GMEB1: variants seen among roughly 807,000 people sequenced by gnomAD.
The protein encoded by GMEB1 is glucocorticoid modulatory element binding protein 1, also known as glucocorticoid modulatory element-binding protein 1.
Under a neutral mutation model 52.4 loss-of-function variants are expected in GMEB1, and 6 were observed. The ratio of observed to expected loss-of-function variants is 0.11; its 90% CI spans 0.06 to 0.23. The LOEUF is 0.23. GMEB1 is among the 10% of genes least tolerant of loss of function. The pLI is 1.00. For missense variants in GMEB1, 486 were observed against 685.6 expected (o/e 0.71, Z 3.25); for synonymous variants, 255 against 244.9 (o/e 1.04, Z -0.38).
chr1:28,716,581 C>G lies in GMEB1; in HGVS notation c.*1808C>G, dbSNP rs1162786379. On this transcript the variant is annotated 3_prime_UTR_variant, in exon 10 of 10. Transcript: ENST00000373816. Reference sequence around the variant, plus strand: ...AGATGTTTCTGTGAGATACTGAGATCATAAAAAGCTTTAGGCTTGGCAGAG... The same window carrying G: ...AGATGTTTCTGTGAGATACTGAGATGATAAAAAGCTTTAGGCTTGGCAGAG... The G allele has an allele frequency of 2.6e-5, 4 of 152,082 alleles. No individual in the cohort carries two copies. Among genetic ancestry groups the G allele is most frequent in the Non-Finnish European group, 5.9e-5 (4 of 68,050 alleles). 9.4% of individuals were successfully genotyped at this position (152,082 alleles called of 1,614,324 possible). A position where few individuals can be genotyped will look rare whatever the true frequency, so the allele number is the denominator to read the frequency against.
chr1:28,706,668 T>G (rs541787732), intron 8 of GMEB1, among the ~76,000 whole-genome samples: 1 of 150,912 alleles, frequency 6.6e-6, no homozygotes, highest in South Asian at 2.1e-4. Flanking sequence ...TCTTATTTAT[T>G]TATTTATTTA....
chr1:28,683,816 T>TTAAAAA, intron 2 of GMEB1, 76 bp downstream of exon 2: 1 of 1,390,188 alleles, frequency 7.2e-7, no homozygotes. Context: ...ACTTTATGGT[T>TTAAAAA]GCTTAGCACA....
chr1:28,708,825 G>A (rs148974624), intron 8 of GMEB1, among the ~76,000 whole-genome samples: 164 of 151,094 alleles, frequency 1.1e-3, no homozygotes, highest in African/African-American at 3.8e-3. Flanking sequence ...GTGAAATCCC[G>A]TCTCTAATAA....
At chr1:28,689,070 A>G (rs1669830581) in intron 2 of GMEB1, among the ~76,000 whole-genome samples, 1 of 151,776 alleles carries the variant, frequency 6.6e-6, no homozygotes, top group Non-Finnish European at 1.5e-5. Flanking sequence ...TTGTATTTTT[A>G]GTAGAGACGG....
chr1:28,670,105 TTCC>T (rs1460088208), intron 1 of GMEB1, among the ~76,000 whole-genome samples: 1 of 152,206 alleles, frequency 6.6e-6, no homozygotes, highest in East Asian at 1.9e-4. Flanking sequence ...GATTATCTTC[TTCC>T]TCCTTGCCTC....
intron 5 of GMEB1, among the ~76,000 whole-genome samples, 160 bp from the exon 6 acceptor site, chr1:28,696,767 C>A (rs1670228164): frequency 6.6e-6 from 1 of 151,932 alleles, no homozygotes; most frequent in South Asian, 2.1e-4. Context: ...AAATTTAAAG[C>A]CCCAATTAGA....
intron 5 of GMEB1, among the ~76,000 whole-genome samples, chr1:28,695,722 A>G (rs1670169511): frequency 6.8e-6 from 1 of 148,118 alleles, no homozygotes; most frequent in South Asian, 2.1e-4. Flanking sequence ...GCGGATCACG[A>G]GGTCAGGAGA....
chr1:28,707,695 A>G (rs1570434385), intron 8 of GMEB1, among the ~76,000 whole-genome samples: 2 of 152,292 alleles, frequency 1.3e-5, no homozygotes, highest in Admixed American at 6.5e-5. Flanking sequence ...TGAGATGACT[A>G]TTAGACCATC....
Position 28,702,473 on chromosome 1 carries a change from A to T in GMEB1, c.634A>T (p.Met212Leu), listed in dbSNP as rs779439452. The T allele has an allele frequency of 6.2e-7, 1 of 1,613,478 alleles. No homozygotes were observed. The highest frequency in any genetic ancestry group is 1.7e-5 in the Admixed American group (1 of 59,968). Residue 212 changes from methionine (M) to leucine (L), a missense_variant, in exon 7 of 10, where the codon ATG becomes TTG. Met to Leu is a conservative substitution (Grantham distance 15). Transcript: ENST00000373816. ...GCAGATTGCCATCTCAGAAGAGAGC[A>T]TGGAAGAGGCAGGGCTGGAATGGAA... is the stretch of plus-strand genomic sequence containing the variant. The part of the protein sequence containing the change: ...ITQIAISEES[M>L]EEAGLEWNSA...
intron 1 of GMEB1, among the ~76,000 whole-genome samples, chr1:28,670,598 G>A (rs1668839428): frequency 6.6e-6 from 1 of 151,984 alleles, no homozygotes; most frequent in South Asian, 2.1e-4. Context: ...AGAGTACTGG[G>A]ATTACAGGCG....
intron 1 of GMEB1, among the ~76,000 whole-genome samples, chr1:28,676,620 G>C (rs1669160659): frequency 6.6e-6 from 1 of 152,050 alleles, no homozygotes; most frequent in Non-Finnish European, 1.5e-5. Context: ...CAGCTACTTG[G>C]GAGGCTGAGG....
At chr1:28,697,396 C>T (rs1670277321) in intron 6 of GMEB1, among the ~76,000 whole-genome samples, 1 of 151,738 alleles carries the variant, frequency 6.6e-6, no homozygotes, top group African/African-American at 2.4e-5. Context: ...TTAGTACAAA[C>T]AGGGTTTCTC....
chr1:28,669,537 G>A (rs1364978521), intron 1 of GMEB1, among the ~76,000 whole-genome samples: 1 of 152,112 alleles, frequency 6.6e-6, no homozygotes, highest in African/African-American at 2.4e-5. Context: ...AGGGAAAAAA[G>A]GGCAGGTTTT....
rs1236839183 is a variant in GMEB1, at chr1:28,668,843, A to AGGAGGG, written c.-31+12_-31+17dup. On this transcript the variant is annotated splice_donor_region_variant and intron_variant, in intron 1 of 9. Transcript: ENST00000373816. ...GCCCGCCCGCCCGACGGAGACGGTG[A>AGGAGGG]GGAGGGGGAGGGGTGGGCGCGCGGG... is the stretch of plus-strand genomic sequence containing the variant. 4.9e-5 allele frequency: 2 copies of AGGAGGG among 41,070 alleles called. No individual in the cohort carries two copies. The highest frequency in any genetic ancestry group is 8.9e-5 in the African/African-American group (1 of 11,210). The allele number at this position is 41,070 out of a possible 1,614,324, so 2.5% of individuals were successfully genotyped here. A position where few individuals can be genotyped will look rare whatever the true frequency, so the allele number is the denominator to read the frequency against.
intron 1 of GMEB1, among the ~76,000 whole-genome samples, chr1:28,682,497 T>A (rs1284550630): frequency 6.6e-6 from 1 of 151,672 alleles, no homozygotes; most frequent in Non-Finnish European, 1.5e-5. Context: ...GGCGCACACC[T>A]GTAATCCAAG....
At position 28,717,355 on chromosome 1, in the gene GMEB1, A is replaced by AG. The variant is rs1671303200; in HGVS notation, c.*2582_*2583insG. 1 of 152,016 alleles carries AG rather than the reference A, an allele frequency of 6.6e-6. No homozygotes were observed. Among genetic ancestry groups the AG allele is most frequent in the South Asian group, 2.1e-4 (1 of 4,822 alleles). The allele number at this position is 152,016 out of a possible 1,614,324, so 9.4% of individuals were successfully genotyped here. A position where few individuals can be genotyped will look rare whatever the true frequency, so the allele number is the denominator to read the frequency against. ...CAGGCTCCCACCACCACGCCCGGGTAATTTTTGTATTTTTAGTAGAGACGG... is the reference window on the plus strand; with the variant it reads ...CAGGCTCCCACCACCACGCCCGGGTAGATTTTTGTATTTTTAGTAGAGACGG... On this transcript the variant is annotated 3_prime_UTR_variant, in exon 10 of 10. Transcript: ENST00000373816.
intron 1 of GMEB1, among the ~76,000 whole-genome samples, chr1:28,669,702 C>T (rs766583232): frequency 6.6e-6 from 1 of 151,994 alleles, no homozygotes; most frequent in Non-Finnish European, 1.5e-5. Context: ...CTAGGTGCCT[C>T]TTGATGTCTA....
At chr1:28,695,828 A>G (rs1298417339) in intron 5 of GMEB1, among the ~76,000 whole-genome samples, 3 of 140,378 alleles carry the variant, frequency 2.1e-5, no homozygotes, top group African/African-American at 7.8e-5. Context: ...AGTCCCAGCT[A>G]CTTGGGAGGC....
At chr1:28,679,989 G>A (rs1669324245) in intron 1 of GMEB1, among the ~76,000 whole-genome samples, 1 of 152,178 alleles carries the variant, frequency 6.6e-6, no homozygotes, top group African/African-American at 2.4e-5. Flanking sequence ...TGTATTTTTA[G>A]TAGAGATGGG....
Sources: allele counts gnomAD v4.1 joint callset (sites outside exome capture counted in the v4.1 genomes callset), GRCh38; gene constraint gnomAD v4.1.1; transcripts MANE v1.5; gene names NCBI Gene and HGNC (gene_info 2026-07-23, HGNC 2026-07-21).